CDH23: variants seen among roughly 807,000 people sequenced by gnomAD.
CDH23 encodes cadherin related 23, also known as cadherin-23.
Under a neutral mutation model 317.1 loss-of-function variants are expected in CDH23, and 189 were observed. The ratio of observed to expected loss-of-function variants is 0.60; its 90% confidence interval spans 0.53 to 0.67. CDH23 has a LOEUF of 0.67. Among genes scored for constraint, CDH23 ranks in the 30% least tolerant of loss-of-function variants. The pLI, the probability that CDH23 is intolerant of heterozygous loss-of-function variation, is 0.00. For synonymous variants in CDH23, 1,839 were observed against 1,876.8 expected, an observed-to-expected ratio of 0.98 and a Z score of 0.52; for missense variants, 4,401 against 4,592.4, an observed-to-expected ratio of 0.96 and a Z score of 1.20.
At chr10:71,462,313 T>C (rs1218985671) in intron 3 of CDH23, among the ~76,000 whole-genome samples, 1 of 152,106 alleles carries the variant, frequency 6.6e-6, no homozygotes, top group Non-Finnish European at 1.5e-5. Flanking sequence ...TCTGGAACAA[T>C]TTACAGTCAA....
chr10:71,446,477 T>C, intron 3 of CDH23, 82 bp downstream of exon 3: 9 of 1,353,820 alleles, frequency 6.6e-6, no homozygotes, highest in Non-Finnish European at 9.5e-6. Context: ...TCTTACAGGT[T>C]GAGGTCATCT....
intron 9 of CDH23, among the ~76,000 whole-genome samples, chr10:71,607,990 A>G (rs879528776): frequency 6.6e-6 from 1 of 152,234 alleles, no homozygotes; most frequent in Admixed American, 6.5e-5. Context: ...AGGCACCACA[A>G]TAAGTGCCTT....
At chr10:71,563,747 T>A (rs1431994111) in intron 6 of CDH23, among the ~76,000 whole-genome samples, 1 of 143,708 alleles carries the variant, frequency 7.0e-6, no homozygotes, top group Non-Finnish European at 1.5e-5. Flanking sequence ...TTCTTTTTTC[T>A]TTTTTTTTTT....
chr10:71,643,919 G>A, intron 12 of CDH23, 53 bp downstream of exon 12: 1 of 765,178 alleles, frequency 1.3e-6, no homozygotes, highest in Non-Finnish European at 2.4e-6. Flanking sequence ...CTTGTGGTGG[G>A]CACAGTGGGG....
intron 6 of CDH23, among the ~76,000 whole-genome samples, chr10:71,544,091 C>G (rs1856137676): frequency 6.6e-6 from 1 of 152,200 alleles, no homozygotes; most frequent in South Asian, 2.1e-4. Context: ...AGCTTTTAAT[C>G]AGAGTTATGT....
rs1287274800 is a variant in CDH23 at position 71,813,007 on chromosome 10, G to C, written c.9633+117G>C. 3 of 1,485,164 alleles carry C rather than the reference G, an allele frequency of 2.0e-6. No homozygotes were observed. The African/African-American group carries it at 4.2e-5, about 21-fold the overall frequency. 92.0% of individuals were successfully genotyped at this position (1,485,164 alleles called of 1,614,324 possible). On this transcript the variant is annotated intron_variant, in intron 68 of 69. Coordinates refer to ENST00000224721, the MANE Select transcript of CDH23 (RefSeq NM_022124.6). ...AGCTAGACCCACCCTCCACTGGGGCGAGAACACCAGGGCTGATGGGGGGCT... is the reference window on the plus strand; with the variant it reads ...AGCTAGACCCACCCTCCACTGGGGCCAGAACACCAGGGCTGATGGGGGGCT...
chr10:71,454,418 T>C (rs1292554275), intron 3 of CDH23, among the ~76,000 whole-genome samples: 1 of 152,244 alleles, frequency 6.6e-6, no homozygotes, highest in Non-Finnish European at 1.5e-5. Context: ...AGCTTCCTGG[T>C]TGCCCGCTGA....
At chr10:71,611,029 G>A (rs1432640476) in intron 9 of CDH23, among the ~76,000 whole-genome samples, 2 of 152,112 alleles carry the variant, frequency 1.3e-5, no homozygotes, top group African/African-American at 2.4e-5. Context: ...CAGAAGTGGG[G>A]CTGAACAGAT....
rs192831839 is a variant in CDH23, at chr10:71,503,458, G to A, written c.146-6624G>A. ...GGCTCAGAGACCTTCATGACTTTGG[G>A]GGGCTGTCTTTTCCTAACACCTCTG... On this transcript the variant is annotated intron_variant, in intron 3 of 69. Transcript: ENST00000224721. 1.1e-4 allele frequency among the ~76,000 whole-genome samples: 17 copies of A among 152,312 alleles called. No individual in the cohort carries two copies. The East Asian group carries it at 2.5e-3, about 22-fold the overall frequency.
At chr10:71,638,752 G>T (rs868114251) in intron 11 of CDH23, among the ~76,000 whole-genome samples, 123 of 152,218 alleles carry the variant, frequency 8.1e-4, no homozygotes, top group African/African-American at 2.7e-3. Flanking sequence ...ACCACGCTGG[G>T]TCAGCACACG....
chr10:71,526,014 C>T (rs1165789329), intron 6 of CDH23, among the ~76,000 whole-genome samples: 4 of 152,218 alleles, frequency 2.6e-5, no homozygotes, highest in Non-Finnish European at 4.4e-5. Context: ...TGGCTGAAAG[C>T]CTTCACCCAC....
intron 3 of CDH23, among the ~76,000 whole-genome samples, chr10:71,475,371 G>C (rs2132099961): frequency 6.6e-6 from 1 of 152,284 alleles, no homozygotes; most frequent in East Asian, 1.9e-4. Flanking sequence ...CTCTGGTTTG[G>C]AGTTCCTGTT....
chr10:71,684,777 G>T (rs764332326), intron 18 of CDH23, among the ~76,000 whole-genome samples: 1 of 152,228 alleles, frequency 6.6e-6, no homozygotes, highest in Non-Finnish European at 1.5e-5. Flanking sequence ...AGCCATTCAG[G>T]CTTTGGGGAG....
rs137937502 is a variant in CDH23 at position 71,741,838 on chromosome 10, C to A, written c.4762C>A (p.Arg1588=). Residue 1588 remains arginine, a synonymous_variant, in exon 38 of 70, where the codon CGG becomes AGG. Coordinates refer to ENST00000224721, the MANE Select transcript of CDH23 (RefSeq NM_022124.6). ...MDRISGEIAT[R]PAPPDRERQS... is the part of the protein sequence containing the mutation. ...CCGCATCAGCGGTGAGATCGCCACA[C>A]GGCCTGCCCCGCCTGACCGCGAGCG... The A allele has an allele frequency of 2.5e-6, 4 of 1,610,640 alleles. No homozygotes were observed. The highest frequency in any genetic ancestry group is 2.5e-6 in the Non-Finnish European group (3 of 1,178,622).
intron 6 of CDH23, among the ~76,000 whole-genome samples, chr10:71,516,188 C>T (rs1854323409): frequency 6.6e-6 from 1 of 152,342 alleles, no homozygotes; most frequent in South Asian, 2.1e-4. Flanking sequence ...CAAAGCCAGG[C>T]TGGAAGTGAG....
intron 15 of CDH23, among the ~76,000 whole-genome samples, chr10:71,675,527 G>A (rs937548626): frequency 6.6e-6 from 1 of 152,218 alleles, no homozygotes; most frequent in Non-Finnish European, 1.5e-5. Flanking sequence ...GGCTCATGAT[G>A]GCCAAGGGCT....
Position 71,403,323 on chromosome 10 carries a change from C to CT in CDH23, c.-6+6007dup, listed in dbSNP as rs1461500049. ...GCTTTCTCTTTCTCTTTCTTCCTTC[C>CT]TTCCTTTCTTTCTTTCTTTCTTTCT... On this transcript the variant is annotated intron_variant, in intron 1 of 69. Coordinates refer to ENST00000224721, the MANE Select transcript of CDH23 (RefSeq NM_022124.6). Among the ~76,000 whole-genome samples, 166 of 88,724 alleles carry CT rather than the reference C, an allele frequency of 1.9e-3. 1 individual carries two copies. Among genetic ancestry groups the CT allele is most frequent in the Non-Finnish European group, 2.2e-3 (114 of 50,918 alleles). The allele number at this position is 88,724 out of a possible 152,430, so 58.2% of individuals were successfully genotyped here.
chr10:71,653,170 AG>A (rs1863259320), intron 14 of CDH23, among the ~76,000 whole-genome samples: 1 of 152,186 alleles, frequency 6.6e-6, no homozygotes, highest in South Asian at 2.1e-4. Context: ...CCACATCAGC[AG>A]ACAGCCCTGC....
rs183431253 is a variant in CDH23, at chr10:71,790,413, G to A, written c.6049G>A (p.Gly2017Ser). 2.0e-5 allele frequency: 32 copies of A among 1,612,166 alleles called. No homozygotes were observed. The highest frequency in any genetic ancestry group is 1.7e-4 in the Middle Eastern group (1 of 6,060). The change falls in exon 46 of 70, where the codon GGT becomes AGT. Residue 2017 changes from glycine to serine, a missense_variant and splice_region_variant. Physicochemically the swap from Gly to Ser is moderately conservative, Grantham distance 56. Coordinates refer to ENST00000224721, the MANE Select transcript of CDH23 (RefSeq NM_022124.6). ...CCTCTTTGACATCAACAGCAGCACC[G>A]GTGAGGCCTCTGTGCCACCCAGCAC... ...SGLFDINSSTGVVTVRSGVII... is the reference protein window; with the variant it reads ...SGLFDINSSTSVVTVRSGVII...
Sources: allele counts gnomAD v4.1 joint callset (sites outside exome capture counted in the v4.1 genomes callset), GRCh38; gene constraint gnomAD v4.1.1; transcripts MANE v1.5; gene names NCBI Gene and HGNC (gene_info 2026-07-23, HGNC 2026-07-21).